MACROD2: variants seen among roughly 807,000 people sequenced by gnomAD.
MACROD2 encodes ADP-ribose glycohydrolase MACROD2.
MACROD2 carries 36 observed loss-of-function variants against 70.4 expected under a neutral mutation model. The ratio of observed to expected loss-of-function variants is 0.51; its 90% CI spans 0.39 to 0.68. MACROD2 has a LOEUF of 0.68. Among genes scored for constraint, MACROD2 ranks in the 30% least tolerant of loss-of-function variants. The pLI is 0.00. For synonymous variants in MACROD2, 172 were observed against 178.8 expected (o/e 0.96, Z 0.30); for missense variants, 496 against 538.4 (o/e 0.92, Z 0.78).
intron 8 of MACROD2, among the ~76,000 whole-genome samples, chr20:15,828,360 G>A (rs2064019854): frequency 6.6e-6 from 1 of 152,120 alleles, no homozygotes; most frequent in Non-Finnish European, 1.5e-5. Flanking sequence ...ATATATGAAA[G>A]TAGAAAAAAG....
intron 7 of MACROD2, among the ~76,000 whole-genome samples, chr20:15,488,107 C>G (rs1222952153): frequency 6.6e-6 from 1 of 152,046 alleles, no homozygotes; most frequent in Non-Finnish European, 1.5e-5. Context: ...AGGACACAGG[C>G]CTTTGTCAAA....
At chr20:15,116,973 C>T (rs1350801743) in intron 5 of MACROD2, among the ~76,000 whole-genome samples, 4 of 152,130 alleles carry the variant, frequency 2.6e-5, no homozygotes, top group African/African-American at 9.7e-5. Flanking sequence ...CTGTTCATGA[C>T]AGCATGTCAA....
At chr20:14,544,210 C>A (rs2085465508) in intron 4 of MACROD2, among the ~76,000 whole-genome samples, 1 of 148,590 alleles carries the variant, frequency 6.7e-6, no homozygotes, top group Non-Finnish European at 1.5e-5. Flanking sequence ...TATTAAGTAG[C>A]TGAAATAAAA....
rs1032496250 is a variant in MACROD2, at chr20:15,282,373, A to G, written c.540+52312A>G. ...CAGGCTGCAAATTTTTCTAACTTTT[A>G]TGCTCTGCTTCCCTGTAAACATAAG... is the stretch of plus-strand genomic sequence containing the variant. On this transcript the variant is annotated intron_variant, in intron 6 of 17. Transcript: ENST00000684519. Among the ~76,000 whole-genome samples the G allele has an allele frequency of 1.2e-4, 18 of 152,268 alleles. 1 individual carries two copies. Among genetic ancestry groups the G allele is most frequent in the African/African-American group, 4.1e-4 (17 of 41,566 alleles).
chr20:14,611,906 A>G (rs749172596), intron 4 of MACROD2, among the ~76,000 whole-genome samples: 1 of 152,268 alleles, frequency 6.6e-6, no homozygotes, highest in African/African-American at 2.4e-5. Flanking sequence ...TTTAAATTAC[A>G]TAGTGGATTA....
intron 3 of MACROD2, among the ~76,000 whole-genome samples, chr20:14,309,074 A>G (rs1481553608): frequency 6.6e-6 from 1 of 152,152 alleles, no homozygotes; most frequent in African/African-American, 2.4e-5. Flanking sequence ...TGTTATTATC[A>G]TCACTTAGCC....
chr20:14,953,983 A>G (rs1230742227), intron 5 of MACROD2, among the ~76,000 whole-genome samples: 1 of 152,146 alleles, frequency 6.6e-6, no homozygotes, highest in Non-Finnish European at 1.5e-5. Flanking sequence ...GTACTTCTTC[A>G]GTTTGATTGT....
intron 5 of MACROD2, among the ~76,000 whole-genome samples, chr20:14,954,565 A>C (rs962987596): frequency 2.2e-5 from 3 of 138,242 alleles, no homozygotes; most frequent in Non-Finnish European, 4.6e-5. Context: ...AATTATAAAT[A>C]TATAAATGTA....
chr20:15,465,289 A>G (rs752842246), intron 7 of MACROD2, among the ~76,000 whole-genome samples: 2 of 152,260 alleles, frequency 1.3e-5, no homozygotes, highest in Non-Finnish European at 2.9e-5. Context: ...CTACCATGAT[A>G]CGTCATAACT....
intron 3 of MACROD2, among the ~76,000 whole-genome samples, chr20:14,088,455 T>A (rs924968330): frequency 2.0e-5 from 3 of 148,906 alleles, no homozygotes; most frequent in Non-Finnish European, 4.4e-5. Context: ...TTTTAAAAAA[T>A]GTTTATATGT....
At chr20:15,082,590 T>C (rs902733347) in intron 5 of MACROD2, among the ~76,000 whole-genome samples, 2 of 144,222 alleles carry the variant, frequency 1.4e-5, no homozygotes, top group African/African-American at 2.6e-5. Context: ...TAGAAACATA[T>C]TTGCAACATG....
intron 8 of MACROD2, among the ~76,000 whole-genome samples, chr20:15,504,947 C>A (rs140371843): frequency 1.4e-4 from 21 of 152,256 alleles, no homozygotes; most frequent in African/African-American, 5.1e-4. Flanking sequence ...AAATATAATT[C>A]TTTGCGGAAT....
chr20:15,876,771 A>T (rs866323150), intron 9 of MACROD2, among the ~76,000 whole-genome samples: 1 of 152,054 alleles, frequency 6.6e-6, no homozygotes, highest in African/African-American at 2.4e-5. Flanking sequence ...CGTCTCCAGC[A>T]CCTGTTGTTT....
chr20:15,461,943 AT>A (rs529683258), intron 7 of MACROD2, among the ~76,000 whole-genome samples: 3,199 of 150,862 alleles, frequency 0.021, 29 homozygotes, highest in Non-Finnish European at 0.031. Context: ...TAAAAATAAG[AT>A]TTTTTTTTTC....
rs79548238 is a variant in MACROD2, at chr20:14,767,037, T to G, written c.418+82078T>G. On this transcript the variant is annotated intron_variant, in intron 5 of 17. Transcript: ENST00000684519. ...AGATGTGCGAACAAACATTCTCGTA[T>G]AAGAGCAAAGGCCAGGCGTGGTGGC... is the stretch of plus-strand genomic sequence containing the variant. Among the ~76,000 whole-genome samples the G allele has an allele frequency of 4.6e-5, 7 of 152,144 alleles. 1 individual carries two copies. The East Asian group carries it at 1.4e-3, about 29-fold the overall frequency.
At chr20:15,000,629 CAAAAAAA>C (rs398040701) in intron 5 of MACROD2, among the ~76,000 whole-genome samples, 6 of 21,980 alleles carry the variant, frequency 2.7e-4, no homozygotes, top group African/African-American at 9.6e-4. Flanking sequence ...GACTCCGTCT[CAAAAAAA>C]AAAAAAAAAA....
intron 8 of MACROD2, among the ~76,000 whole-genome samples, chr20:15,597,544 G>C (rs1222919917): frequency 6.6e-6 from 1 of 152,204 alleles, no homozygotes; most frequent in Non-Finnish European, 1.5e-5. Context: ...GGTCAAGTGA[G>C]AGAAAGATGA....
At chr20:14,508,663 A>G (rs2084996043) in intron 4 of MACROD2, among the ~76,000 whole-genome samples, 1 of 152,224 alleles carries the variant, frequency 6.6e-6, no homozygotes, top group African/African-American at 2.4e-5. Context: ...CAACGTGGAC[A>G]AAAATCCTTG....
chr20:15,703,877 C>A (rs2050495379), intron 8 of MACROD2, among the ~76,000 whole-genome samples: 1 of 152,172 alleles, frequency 6.6e-6, no homozygotes, highest in Non-Finnish European at 1.5e-5. Context: ...AAAACATAAG[C>A]CACGATGTCT....
Sources: allele counts gnomAD v4.1 joint callset (sites outside exome capture counted in the v4.1 genomes callset), GRCh38; gene constraint gnomAD v4.1.1; transcripts MANE v1.5; gene names NCBI Gene and HGNC (gene_info 2026-07-23, HGNC 2026-07-21).